CHD1: variants seen among roughly 807,000 people sequenced by gnomAD.
The protein encoded by CHD1 is chromodomain helicase DNA binding protein 1.
A neutral mutation model predicts 224.2 loss-of-function variants in CHD1; 36 were observed. The ratio of observed to expected loss-of-function variants is 0.16; its 90% CI spans 0.12 to 0.21. The LOEUF is 0.21. Ranked by LOEUF, CHD1 falls within the 10% of genes least tolerant of loss-of-function variation. The probability of loss-of-function intolerance (pLI) is 1.00; values close to 1 mark genes in which losing one functional copy is unlikely to be tolerated. For synonymous variants in CHD1, 668 were observed against 658.3 expected, an observed-to-expected ratio of 1.01 and a Z score of -0.23; for missense variants, 1,378 against 1,994.8, an observed-to-expected ratio of 0.69 and a Z score of 5.89.
Position 98,876,422 on chromosome 5 carries a change from C to G in CHD1, c.3374G>C (p.Gly1125Ala). 1 of 1,613,920 alleles carries G rather than the reference C, an allele frequency of 6.2e-7. No homozygotes were observed. The highest frequency in any genetic ancestry group is 8.5e-7 in the Non-Finnish European group (1 of 1,179,848). ...CCGCCTAATTTCTGCATCACTAAAT[C>G]CTTTAATATTCTCCCGAGGAATAGT... ...PRTIPRENIKGFSDAEIRRFI... is the reference protein window; with the variant it reads ...PRTIPRENIKAFSDAEIRRFI... The change falls in exon 24 of 36, where the codon GGA becomes GCA. Residue 1125 changes from glycine (G) to alanine (A), a missense_variant. Transcript: ENST00000614616.
rs1230285055 is a variant in CHD1, at chr5:98,896,366, A to T, written c.1570T>A (p.Phe524Ile). Residue 524 changes from phenylalanine (F) to isoleucine (I), a missense_variant, in exon 12 of 36, where the codon TTT (phenylalanine) becomes ATT (isoleucine). Physicochemically the swap from Phe to Ile is conservative, Grantham distance 21 (BLOSUM62 0). This residue lies in a region of CHD1 where 49 missense variants were observed against 135.7 expected (regional missense o/e 0.36). Transcript: ENST00000614616. The part of the protein sequence containing the change: ...IQTISFLNYL[F>I]HEHQLYGPFL... Reference sequence around the variant, plus strand: ...GGTCCATATAATTGATGTTCATGAAACAAATAATTCAGAAATGAGATCGTC... The same window carrying T: ...GGTCCATATAATTGATGTTCATGAATCAAATAATTCAGAAATGAGATCGTC... 6.2e-7 allele frequency: 1 copy of T among 1,614,072 alleles called. No individual in the cohort carries two copies. Among genetic ancestry groups the T allele is most frequent in the East Asian group, 2.2e-5 (1 of 44,872 alleles).
intron 2 of CHD1, among the ~76,000 whole-genome samples, chr5:98,925,677 A>T (rs1029014124): frequency 1.3e-5 from 2 of 152,260 alleles, no homozygotes; most frequent in Non-Finnish European, 2.9e-5. Context: ...AAGAACTCTT[A>T]ACTCCTTCAC....
chr5:98,926,930 T>G (rs199575046), intron 1 of CHD1, among the ~76,000 whole-genome samples: 3,603 of 27,244 alleles, frequency 0.13, no homozygotes, highest in Middle Eastern at 0.29. Flanking sequence ...GGGGGGGGGG[T>G]GGGAGGAGGT....
chr5:98,928,259 CG>C (rs1048840229), intron 1 of CHD1, among the ~76,000 whole-genome samples: 2 of 151,998 alleles, frequency 1.3e-5, no homozygotes, highest in African/African-American at 4.8e-5. Flanking sequence ...GCTAGCCATT[CG>C]CGGGTCTCCT....
At chr5:98,862,975 T>C (rs746514060) in intron 32 of CHD1, among the ~76,000 whole-genome samples, 9 of 152,316 alleles carry the variant, frequency 5.9e-5, no homozygotes, top group Non-Finnish European at 1.2e-4. Flanking sequence ...TTTATTTTCC[T>C]AATTTTTTGC....
intron 5 of CHD1, among the ~76,000 whole-genome samples, chr5:98,901,726 T>G (rs1371271818): frequency 6.7e-6 from 1 of 149,618 alleles, no homozygotes; most frequent in Non-Finnish European, 1.5e-5. Flanking sequence ...ATAGTGCACG[T>G]TCATTAAGAA....
At chr5:98,881,014 A>T in intron 22 of CHD1, 62 bp downstream of exon 22, 1 of 947,132 alleles carries the variant, frequency 1.1e-6, no homozygotes. Flanking sequence ...CAAACCACTA[A>T]ATGACATAAC....
At chr5:98,867,802 T>G (rs959084930) in intron 31 of CHD1, among the ~76,000 whole-genome samples, 3 of 146,430 alleles carry the variant, frequency 2.0e-5, no homozygotes, top group Admixed American at 6.8e-5. Context: ...CTTGTTTTTT[T>G]TTTTTTTTTT....
intron 8 of CHD1, 27 bp from the exon 9 acceptor site, chr5:98,898,791 A>G (rs1226552892): frequency 2.4e-6 from 3 of 1,255,812 alleles, no homozygotes; most frequent in Non-Finnish European, 3.5e-6. Context: ...CCAGGAATAG[A>G]CTTAAAAATC....
chr5:98,867,578 A>T lies in CHD1; in HGVS notation c.4248+917T>A, dbSNP rs187461629. Among the ~76,000 whole-genome samples, 452 of 150,304 alleles carry T rather than the reference A, an allele frequency of 3.0e-3. 1 individual carries two copies. Among genetic ancestry groups the T allele is most frequent in the Non-Finnish European group, 4.4e-3 (302 of 68,016 alleles). On this transcript the variant is annotated intron_variant, in intron 31 of 35. Coordinates refer to ENST00000614616, the MANE Select transcript of CHD1 (RefSeq NM_001270.4). Reference sequence around the variant, plus strand: ...TACACATGTGTGTGTGTGTGTGTACATATTTATTTTTTAATGGCATTGGGA... The same window carrying T: ...TACACATGTGTGTGTGTGTGTGTACTTATTTATTTTTTAATGGCATTGGGA...
intron 2 of CHD1, among the ~76,000 whole-genome samples, chr5:98,925,985 T>G (rs1203910320): frequency 3.3e-5 from 5 of 152,000 alleles, no homozygotes; most frequent in Admixed American, 2.0e-4. Context: ...GAAAAAATTT[T>G]TATTGCCTTC....
chr5:98,907,393 A>G (rs900439224), intron 2 of CHD1, among the ~76,000 whole-genome samples: 1 of 152,156 alleles, frequency 6.6e-6, no homozygotes, highest in African/African-American at 2.4e-5. Flanking sequence ...GTTCGAGACC[A>G]GTCTGACCAA....
intron 22 of CHD1, among the ~76,000 whole-genome samples, chr5:98,880,220 G>T (rs1399147273): frequency 6.6e-6 from 1 of 152,118 alleles, no homozygotes; most frequent in Non-Finnish European, 1.5e-5. Context: ...TGCAAGGTCT[G>T]GTATACAGAA....
intron 22 of CHD1, among the ~76,000 whole-genome samples, chr5:98,880,275 C>T (rs1252842264): frequency 1.3e-5 from 2 of 152,180 alleles, no homozygotes; most frequent in African/African-American, 2.4e-5. Flanking sequence ...AAGTGGCTCA[C>T]GCCTGTGATT....
At chr5:98,899,877 C>T (rs1242786012) in intron 7 of CHD1, among the ~76,000 whole-genome samples, 172 bp from the exon 8 acceptor site, 2 of 152,038 alleles carry the variant, frequency 1.3e-5, no homozygotes, top group African/African-American at 2.4e-5. Flanking sequence ...CTGAGAATTT[C>T]AGAATTATCT....
chr5:98,888,029 G>A, intron 17 of CHD1, 59 bp downstream of exon 17: 2 of 1,149,468 alleles, frequency 1.7e-6, no homozygotes, highest in South Asian at 1.8e-5. Context: ...AGTTAATTCT[G>A]TAAAATATGC....
intron 31 of CHD1, among the ~76,000 whole-genome samples, chr5:98,865,725 A>T (rs1434495488): frequency 6.6e-6 from 1 of 152,192 alleles, no homozygotes; most frequent in African/African-American, 2.4e-5. Context: ...AATTACTTAG[A>T]GCTATTCCCA....
chr5:98,858,691 G>T (rs1364229557), intron 34 of CHD1: 4 of 413,034 alleles, frequency 9.7e-6, no homozygotes, highest in East Asian at 8.0e-5. Context: ...ACATAAAAAA[G>T]AATATTTGTT....
chr5:98,913,021 T>C (rs1197173663), intron 2 of CHD1, among the ~76,000 whole-genome samples: 1 of 152,178 alleles, frequency 6.6e-6, no homozygotes, highest in Non-Finnish European at 1.5e-5. Flanking sequence ...TTCCACAGAA[T>C]TATAATGGAG....
Sources: allele counts gnomAD v4.1 joint callset (sites outside exome capture counted in the v4.1 genomes callset), GRCh38; gene constraint gnomAD v4.1.1; regional missense constraint gnomAD v4.1.1; transcripts MANE v1.5; gene names NCBI Gene and HGNC (gene_info 2026-07-23, HGNC 2026-07-21).